The following SCUBE2 variants were observed in gnomAD, a reference collection of about 807,000 sequenced individuals.
SCUBE2 encodes signal peptide, CUB and EGF-like domain-containing protein 2.
Under a neutral mutation model 125.9 loss-of-function variants are expected in SCUBE2, and 114 were observed. That is an observed-to-expected ratio of 0.91 (90% CI 0.78 to 1.06). The LOEUF (loss-of-function observed/expected upper bound fraction) is 1.06, where lower values mean the gene tolerates loss of function less well. Among genes scored for constraint, SCUBE2 ranks in the 50% least tolerant of loss-of-function variants. SCUBE2 has a pLI of 0.00. For missense variants in SCUBE2, 1,255 were observed against 1,301.8 expected, an observed-to-expected ratio of 0.96 and a Z score of 0.55; for synonymous variants, 459 against 492.9, an observed-to-expected ratio of 0.93 and a Z score of 0.91.
chr11:9,076,027 G>A (rs1267927029), intron 3 of SCUBE2, among the ~76,000 whole-genome samples: 1 of 152,234 alleles, frequency 6.6e-6, no homozygotes, highest in East Asian at 1.9e-4. Flanking sequence ...GTAGGGCTAG[G>A]TCCAGTAGGC....
chr11:9,043,154 A>G (rs1035190726), intron 16 of SCUBE2, among the ~76,000 whole-genome samples: 6 of 152,186 alleles, frequency 3.9e-5, no homozygotes, highest in African/African-American at 1.4e-4. Flanking sequence ...TCTCTCAAGA[A>G]CCCAGGCACT....
At chr11:9,041,266 G>GTGTT (rs1857216801) in intron 16 of SCUBE2, among the ~76,000 whole-genome samples, 1 of 152,196 alleles carries the variant, frequency 6.6e-6, no homozygotes, top group South Asian at 2.1e-4. Context: ...GAGAGAATGT[G>GTGTT]TGTGTGTGCA....
rs766128444 is a variant in SCUBE2, at chr11:9,048,064, G to A, written c.1674C>T (p.Tyr558=). The change falls in exon 15 of 23, where the codon TAC becomes TAT. Residue 558 remains tyrosine (Y), a synonymous_variant. Transcript: ENST00000649792. ...KHSSVKESFR[Y]VNLTCSSGKQ... is the part of the protein sequence containing the mutation. ...TGCCAGAGCTGCATGTAAGGTTTAC[G>A]TAGCGGAAGCTCTCTTTTACTGAGC... 1.4e-5 allele frequency: 22 copies of A among 1,613,800 alleles called. No homozygotes were observed. The highest frequency in any genetic ancestry group is 4.0e-5 in the African/African-American group (3 of 74,890).
chr11:9,066,669 C>G (rs751778334), intron 6 of SCUBE2, 28 bp downstream of exon 6: 1 of 1,569,712 alleles, frequency 6.4e-7, no homozygotes, highest in South Asian at 1.1e-5. Context: ...GGTGCAGACC[C>G]TCACTCAGTG....
chr11:9,070,921 G>C (rs148349021), intron 4 of SCUBE2, among the ~76,000 whole-genome samples: 1 of 152,150 alleles, frequency 6.6e-6, no homozygotes, highest in Non-Finnish European at 1.5e-5. Flanking sequence ...CTGGTTGCTG[G>C]GATTCATTCA....
At chr11:9,048,955 T>C (rs1173784513) in intron 14 of SCUBE2, among the ~76,000 whole-genome samples, 2 of 152,242 alleles carry the variant, frequency 1.3e-5, no homozygotes, top group African/African-American at 4.8e-5. Flanking sequence ...CTCTACATTT[T>C]TCCCCTAAAG....
intron 21 of SCUBE2, 160 bp from the exon 22 acceptor site, chr11:9,022,115 C>T: frequency 3.4e-6 from 2 of 594,818 alleles, no homozygotes; most frequent in South Asian, 1.9e-5. Flanking sequence ...CTTCCACAGA[C>T]TCCCACCACC....
At chr11:9,079,648 G>C (rs76565117) in intron 2 of SCUBE2, 139 bp from the exon 3 acceptor site, 2 of 823,760 alleles carry the variant, frequency 2.4e-6, no homozygotes, top group Non-Finnish European at 3.8e-6. Context: ...ATACGCACAA[G>C]GTTATTCACT....
At chr11:9,070,900 C>T (rs951060986) in intron 4 of SCUBE2, among the ~76,000 whole-genome samples, 2 of 152,242 alleles carry the variant, frequency 1.3e-5, no homozygotes, top group African/African-American at 4.8e-5. Context: ...TGCACTCCAG[C>T]ACTCAGTCTG....
In SCUBE2 at chr11:9,030,907, T is replaced by C; in HGVS notation, c.2192A>G (p.Glu731Gly). The C allele has an allele frequency of 6.2e-7, 1 of 1,613,984 alleles. No homozygotes were observed. Among genetic ancestry groups the C allele is most frequent in the Admixed American group, 1.7e-5 (1 of 60,002 alleles). ...SECGGLCQPG[E>G]YSADGFAPCQ... is the part of the protein sequence containing the mutation. ...AGGTGCAAAGCCATCTGCAGAATATTCACCAGGTTGACACAGACCTGGAAG... is the reference window on the plus strand; with the variant it reads ...AGGTGCAAAGCCATCTGCAGAATATCCACCAGGTTGACACAGACCTGGAAG... The change falls in exon 18 of 23, where the codon GAA becomes GGA. Residue 731 changes from glutamate (E) to glycine (G), a missense_variant. Glu to Gly is a moderately conservative substitution (Grantham distance 98). This residue lies in a region of SCUBE2 where 515 missense variants were observed against 515.7 expected (regional missense o/e 1.00). Coordinates refer to ENST00000649792, the MANE Select transcript of SCUBE2 (RefSeq NM_001367977.2).
At chr11:9,058,806 A>T (rs1015228848) in intron 9 of SCUBE2, among the ~76,000 whole-genome samples, 2 of 152,112 alleles carry the variant, frequency 1.3e-5, no homozygotes, top group East Asian at 1.9e-4. Flanking sequence ...ATAAATAATT[A>T]AAAAATTAAA....
At chr11:9,087,470 T>C (rs1418167601) in intron 2 of SCUBE2, among the ~76,000 whole-genome samples, 1 of 152,088 alleles carries the variant, frequency 6.6e-6, no homozygotes, top group Non-Finnish European at 1.5e-5. Context: ...AGCAGATAAA[T>C]GTTCTGGGGA....
chr11:9,037,376 G>A (rs1327169020), intron 16 of SCUBE2, among the ~76,000 whole-genome samples: 4 of 152,218 alleles, frequency 2.6e-5, no homozygotes, highest in Admixed American at 1.3e-4. Flanking sequence ...TGATGCAAAA[G>A]GGACAGACCA....
rs570402206 is a variant in SCUBE2, at chr11:9,050,891, C to A, written c.1535-181G>T. On this transcript the variant is annotated intron_variant, in intron 13 of 22. Coordinates refer to ENST00000649792, the MANE Select transcript of SCUBE2 (RefSeq NM_001367977.2). ...GAGTGCCCATTGCCCTGGACTGGGG[C>A]CACCAGGAGCCTCCTAAAATTGCAG... Among the ~76,000 whole-genome samples, 206 of 152,270 alleles carry A rather than the reference C, an allele frequency of 1.4e-3. 1 individual carries two copies. Among genetic ancestry groups the A allele is most frequent in the African/African-American group, 4.7e-3 (196 of 41,548 alleles).
chr11:9,063,067 C>A (rs993455792), intron 7 of SCUBE2, among the ~76,000 whole-genome samples: 3 of 151,424 alleles, frequency 2.0e-5, no homozygotes, highest in African/African-American at 2.4e-5. Flanking sequence ...TAGCAAAATC[C>A]CTTTTCTACT....
At chr11:9,057,796 G>A (rs1389041202) in intron 9 of SCUBE2, among the ~76,000 whole-genome samples, 1 of 152,094 alleles carries the variant, frequency 6.6e-6, no homozygotes, top group Non-Finnish European at 1.5e-5. Flanking sequence ...GCCTCCCAAA[G>A]TGCTGAGATT....
Position 9,053,228 on chromosome 11 carries a change from A to G in SCUBE2, c.1331-13T>C, listed in dbSNP as rs1858616691. 6.3e-7 allele frequency: 1 copy of G among 1,599,030 alleles called. No homozygotes were observed. Among genetic ancestry groups the G allele is most frequent in the South Asian group, 1.1e-5 (1 of 90,784 alleles). On this transcript the variant is annotated splice_polypyrimidine_tract_variant and intron_variant, in intron 11 of 22. Coordinates refer to ENST00000649792, the MANE Select transcript of SCUBE2 (RefSeq NM_001367977.2). ...AGCCCCTTCACTTCTAGACAGGACA[A>G]AACAGACACTTACAGAAAGAGAAGG...
chr11:9,087,971 C>T (rs913909248), intron 2 of SCUBE2, among the ~76,000 whole-genome samples: 1 of 152,194 alleles, frequency 6.6e-6, no homozygotes, highest in South Asian at 2.1e-4. Flanking sequence ...GACTTTGTGT[C>T]AAGGTGCTAG....
chr11:9,058,112 G>A (rs942565951), intron 9 of SCUBE2, among the ~76,000 whole-genome samples: 1 of 152,206 alleles, frequency 6.6e-6, no homozygotes, highest in African/African-American at 2.4e-5. Flanking sequence ...CTCCCCACAA[G>A]CCCTCCCCCT....
Sources: gnomAD v4.1 joint callset for allele counts (sites outside exome capture counted in the v4.1 genomes callset) on GRCh38, gnomAD v4.1.1 for gene constraint, gnomAD v4.1.1 regional missense constraint, MANE v1.5 for transcripts, NCBI Gene and HGNC (gene_info 2026-07-23, HGNC 2026-07-21) for gene names.